HS6ST3: variants seen among roughly 807,000 people sequenced by gnomAD.
HS6ST3 encodes heparan-sulfate 6-O-sulfotransferase 3.
In HS6ST3, 12 loss-of-function variants were observed where a neutral mutation model predicts 36.7. That is an observed-to-expected ratio of 0.33 (90% confidence interval 0.21 to 0.53). The LOEUF (loss-of-function observed/expected upper bound fraction) is 0.53. Ranked by LOEUF, HS6ST3 falls within the 20% of genes least tolerant of loss-of-function variation. The probability of loss-of-function intolerance (pLI) is 0.95; values close to 1 mark genes in which losing one functional copy is unlikely to be tolerated. For synonymous variants in HS6ST3, 240 were observed against 257.5 expected (o/e 0.93, Z 0.65); for missense variants, 584 against 640.9 (o/e 0.91, Z 0.96).
Position 96,706,413 on chromosome 13 carries a change from TTATATATATA to T in HS6ST3, c.708-126058_708-126049del, listed in dbSNP as rs3052119. 1.1e-3 allele frequency among the ~76,000 whole-genome samples: 138 copies of T among 121,028 alleles called. 1 individual carries two copies. Among genetic ancestry groups the T allele is most frequent in the African/African-American group, 3.6e-3 (101 of 28,302 alleles). 79.4% of individuals were successfully genotyped at this position (121,028 alleles called of 152,430 possible). ...TATATAAAATATAATAGAATATATT[TTATATATATA>T]TATATATATATATATATAATCAGGG... On this transcript the variant is annotated intron_variant, in intron 1 of 1. Coordinates refer to ENST00000376705, the MANE Select transcript of HS6ST3 (RefSeq NM_153456.4).
At chr13:96,196,214 C>G (rs1343710219) in intron 1 of HS6ST3, among the ~76,000 whole-genome samples, 2 of 152,116 alleles carry the variant, frequency 1.3e-5, no homozygotes, top group East Asian at 3.9e-4. Flanking sequence ...CCGTAGGATT[C>G]CTGGCGTCCA....
chr13:96,360,492 G>A (rs1178283489), intron 1 of HS6ST3, among the ~76,000 whole-genome samples: 1 of 151,836 alleles, frequency 6.6e-6, no homozygotes, highest in Non-Finnish European at 1.5e-5. Flanking sequence ...GCCAGGGAAG[G>A]GTGCTGAAAA....
intron 1 of HS6ST3, among the ~76,000 whole-genome samples, chr13:96,696,745 C>A (rs1414407409): frequency 6.6e-6 from 1 of 152,102 alleles, no homozygotes; most frequent in Non-Finnish European, 1.5e-5. Context: ...GAAGAACTAC[C>A]ACCTGGAAAG....
chr13:96,199,279 A>C (rs778044243), intron 1 of HS6ST3, among the ~76,000 whole-genome samples: 12 of 152,328 alleles, frequency 7.9e-5, no homozygotes, highest in African/African-American at 2.9e-4. Flanking sequence ...TGCTTTATGG[A>C]GTTAAAATAG....
intron 1 of HS6ST3, among the ~76,000 whole-genome samples, chr13:96,503,136 G>C (rs1174326696): frequency 6.6e-6 from 1 of 152,044 alleles, no homozygotes; most frequent in African/African-American, 2.4e-5. Context: ...AACCCCTCCT[G>C]TATTATTGCT....
chr13:96,613,567 C>A (rs988476625), intron 1 of HS6ST3, among the ~76,000 whole-genome samples: 1 of 152,124 alleles, frequency 6.6e-6, no homozygotes, highest in Admixed American at 6.5e-5. Context: ...GTATCTCTTT[C>A]CCATGATATA....
At chr13:96,529,590 C>A (rs1316709376) in intron 1 of HS6ST3, among the ~76,000 whole-genome samples, 5 of 152,114 alleles carry the variant, frequency 3.3e-5, no homozygotes, top group African/African-American at 1.2e-4. Context: ...ATTTGGTTAT[C>A]TTTTTATTAT....
intron 1 of HS6ST3, among the ~76,000 whole-genome samples, chr13:96,788,579 A>G (rs894707141): frequency 1.3e-5 from 2 of 151,898 alleles, no homozygotes; most frequent in South Asian, 2.1e-4. Context: ...GGTGTTTTCA[A>G]TTCTACATCC....
chr13:96,818,452 T>C (rs1878467536), intron 1 of HS6ST3, among the ~76,000 whole-genome samples: 1 of 152,212 alleles, frequency 6.6e-6, no homozygotes, highest in African/African-American at 2.4e-5. Flanking sequence ...GGACTGACAC[T>C]GGCCTCTAGT....
intron 1 of HS6ST3, among the ~76,000 whole-genome samples, chr13:96,715,391 T>C (rs1875670885): frequency 6.6e-6 from 1 of 152,088 alleles, no homozygotes; most frequent in Admixed American, 6.5e-5. Context: ...TTTTTTAGCT[T>C]AAAAAGAGCT....
intron 1 of HS6ST3, among the ~76,000 whole-genome samples, chr13:96,347,815 C>T (rs1470711134): frequency 6.6e-6 from 1 of 152,176 alleles, no homozygotes; most frequent in African/African-American, 2.4e-5. Context: ...CTGACTTCCC[C>T]TCTTCACTCC....
chr13:96,566,931 G>A (rs1020623694), intron 1 of HS6ST3, among the ~76,000 whole-genome samples: 5 of 151,856 alleles, frequency 3.3e-5, no homozygotes, highest in East Asian at 1.9e-4. Flanking sequence ...GGAATTAAGC[G>A]TTTCAGAAAA....
At chr13:96,448,791 T>C (rs1376573739) in intron 1 of HS6ST3, among the ~76,000 whole-genome samples, 2 of 152,160 alleles carry the variant, frequency 1.3e-5, no homozygotes, top group African/African-American at 4.8e-5. Flanking sequence ...GCACTTTGTG[T>C]TGAAATTGTT....
At chr13:96,222,626 T>C (rs751888705) in intron 1 of HS6ST3, among the ~76,000 whole-genome samples, 7 of 152,250 alleles carry the variant, frequency 4.6e-5, no homozygotes, top group Admixed American at 1.3e-4. Context: ...TTGCTCTTTC[T>C]ATAGGAGTAC....
chr13:96,818,291 A>G (rs1878462743), intron 1 of HS6ST3, among the ~76,000 whole-genome samples: 1 of 152,220 alleles, frequency 6.6e-6, no homozygotes, highest in Admixed American at 6.5e-5. Flanking sequence ...GAGCCACTGC[A>G]GCTGAAAGAT....
At chr13:96,592,225 T>G (rs2056384878) in intron 1 of HS6ST3, among the ~76,000 whole-genome samples, 1 of 152,144 alleles carries the variant, frequency 6.6e-6, no homozygotes, top group Non-Finnish European at 1.5e-5. Context: ...TATTTTAAGC[T>G]GATAACAACT....
intron 1 of HS6ST3, among the ~76,000 whole-genome samples, chr13:96,395,700 A>G (rs1396596807): frequency 6.6e-6 from 1 of 152,180 alleles, no homozygotes; most frequent in Non-Finnish European, 1.5e-5. Context: ...TCCCAGTTTC[A>G]GTAGGGTTGA....
intron 1 of HS6ST3, among the ~76,000 whole-genome samples, chr13:96,287,342 G>A (rs1252414820): frequency 2.0e-5 from 3 of 152,024 alleles, no homozygotes; most frequent in African/African-American, 7.2e-5. Flanking sequence ...CTTATATAAT[G>A]CCTTAAAATA....
intron 1 of HS6ST3, among the ~76,000 whole-genome samples, chr13:96,680,872 G>A (rs2056716182): frequency 6.6e-6 from 1 of 152,228 alleles, no homozygotes; most frequent in African/African-American, 2.4e-5. Flanking sequence ...GTGGGTGGGT[G>A]AGAAAGAGCA....
Sources: gnomAD v4.1 joint callset for allele counts (sites outside exome capture counted in the v4.1 genomes callset) on GRCh38, gnomAD v4.1.1 for gene constraint, MANE v1.5 for transcripts, NCBI Gene and HGNC (gene_info 2026-07-23, HGNC 2026-07-21) for gene names.